Variants in EPB41L2 observed in about 807,000 individuals in gnomAD.
The protein encoded by EPB41L2 is band 4.1-like protein 2.
Under a neutral mutation model 113.0 loss-of-function variants are expected in EPB41L2, and 43 were observed. That is an observed-to-expected ratio of 0.38 (90% confidence interval 0.30 to 0.49). The LOEUF is 0.49. Ranked by LOEUF, EPB41L2 falls within the 20% of genes least tolerant of loss-of-function variation. EPB41L2 has a pLI of 0.95. For synonymous variants in EPB41L2, 442 were observed against 436.7 expected (o/e 1.01, Z -0.15); for missense variants, 1,147 against 1,223.4 (o/e 0.94, Z 0.93).
At chr6:130,918,805 C>T (rs1032086054) in intron 4 of EPB41L2, among the ~76,000 whole-genome samples, 2 of 152,002 alleles carry the variant, frequency 1.3e-5, no homozygotes, top group Admixed American at 6.6e-5. Flanking sequence ...AGATAATATT[C>T]GGCATGGAAA....
chr6:131,058,129 T>G (rs1483953045), intron 1 of EPB41L2, among the ~76,000 whole-genome samples: 3 of 152,158 alleles, frequency 2.0e-5, no homozygotes, highest in African/African-American at 7.2e-5. Context: ...TTCAGAGAGG[T>G]ATCTGTGAAG....
chr6:130,857,873 T>G (rs73775323), intron 19 of EPB41L2, among the ~76,000 whole-genome samples: 3,891 of 152,254 alleles, frequency 0.026, 170 homozygotes, highest in African/African-American at 0.09. Context: ...GTAATGTGCT[T>G]GATAAACAGT....
chr6:130,976,962 A>G (rs776443558), intron 1 of EPB41L2, among the ~76,000 whole-genome samples: 4 of 152,216 alleles, frequency 2.6e-5, no homozygotes, highest in Admixed American at 6.5e-5. Flanking sequence ...TCATTACACC[A>G]TATGTGATAA....
At chr6:130,975,744 C>T (rs1240891901) in intron 1 of EPB41L2, among the ~76,000 whole-genome samples, 2 of 152,160 alleles carry the variant, frequency 1.3e-5, no homozygotes, top group Non-Finnish European at 2.9e-5. Context: ...AAACCTCTGG[C>T]CAGGCGTGGT....
At chr6:131,027,932 TA>T (rs751443593) in intron 1 of EPB41L2, among the ~76,000 whole-genome samples, 4 of 152,212 alleles carry the variant, frequency 2.6e-5, no homozygotes, top group Admixed American at 6.5e-5. Context: ...ATCCAACATA[TA>T]ATATACTTAT....
chr6:131,031,967 C>T (rs1343478620), intron 1 of EPB41L2, among the ~76,000 whole-genome samples: 2 of 152,102 alleles, frequency 1.3e-5, no homozygotes, highest in East Asian at 1.9e-4. Context: ...GGAGAGGAAG[C>T]AAGGCATTTG....
intron 1 of EPB41L2, among the ~76,000 whole-genome samples, chr6:131,053,530 G>A (rs1368753113): frequency 3.3e-5 from 5 of 151,630 alleles, no homozygotes; most frequent in Non-Finnish European, 7.4e-5. Flanking sequence ...CAGCCCCCCT[G>A]AGCTCCACAG....
intron 1 of EPB41L2, among the ~76,000 whole-genome samples, chr6:131,010,330 A>G (rs960163465): frequency 6.6e-6 from 1 of 152,152 alleles, no homozygotes; most frequent in East Asian, 1.9e-4. Flanking sequence ...GAGTGCTGTC[A>G]TTGTACAATC....
intron 1 of EPB41L2, among the ~76,000 whole-genome samples, chr6:131,025,617 G>C (rs1343689351): frequency 6.6e-6 from 1 of 152,164 alleles, no homozygotes; most frequent in Non-Finnish European, 1.5e-5. Flanking sequence ...TTTCACTCCA[G>C]AGTTGCCTCT....
At chr6:130,859,476 A>G (rs1029479309) in intron 18 of EPB41L2, among the ~76,000 whole-genome samples, 1 of 149,156 alleles carries the variant, frequency 6.7e-6, no homozygotes, top group African/African-American at 2.5e-5. Context: ...GCACCACTGC[A>G]CTCCAGCCTG....
intron 19 of EPB41L2, among the ~76,000 whole-genome samples, chr6:130,853,332 T>A (rs993965646): frequency 6.6e-6 from 1 of 152,192 alleles, no homozygotes; most frequent in African/African-American, 2.4e-5. Context: ...CTCCCTCTCC[T>A]GTGGCTCATT....
At chr6:130,980,697 T>C (rs2128674454) in intron 1 of EPB41L2, among the ~76,000 whole-genome samples, 1 of 152,268 alleles carries the variant, frequency 6.6e-6, no homozygotes, top group South Asian at 2.1e-4. Flanking sequence ...TGGAGCTAGG[T>C]AATCAAACTA....
intron 1 of EPB41L2, among the ~76,000 whole-genome samples, chr6:131,010,098 T>C (rs1157115228): frequency 1.3e-5 from 2 of 152,232 alleles, no homozygotes; most frequent in African/African-American, 4.8e-5. Flanking sequence ...TAATTAATGC[T>C]TTCATGTAAT....
At chr6:130,944,487 C>T (rs1812091879) in intron 3 of EPB41L2, among the ~76,000 whole-genome samples, 1 of 152,086 alleles carries the variant, frequency 6.6e-6, no homozygotes, top group African/African-American at 2.4e-5. Flanking sequence ...TCAAACAATA[C>T]AAGAGTTTAG....
chr6:130,915,469 T>C (rs1252143107), intron 4 of EPB41L2, among the ~76,000 whole-genome samples: 2 of 152,160 alleles, frequency 1.3e-5, no homozygotes, highest in Non-Finnish European at 2.9e-5. Flanking sequence ...CTGGTTAATA[T>C]CAGCAGAACC....
At chr6:131,041,056 C>A (rs1297161175) in intron 1 of EPB41L2, among the ~76,000 whole-genome samples, 1 of 152,150 alleles carries the variant, frequency 6.6e-6, no homozygotes, top group South Asian at 2.1e-4. Context: ...TAATTAAATG[C>A]AATCCTTGGC....
At chr6:130,972,659 G>A (rs1031240913) in intron 1 of EPB41L2, among the ~76,000 whole-genome samples, 1 of 151,704 alleles carries the variant, frequency 6.6e-6, no homozygotes, top group Non-Finnish European at 1.5e-5. Flanking sequence ...TTACTCTCCT[G>A]CAAAGCAGTA....
chr6:130,913,846 TAAG>T (rs1263505309), intron 4 of EPB41L2, among the ~76,000 whole-genome samples: 1 of 152,064 alleles, frequency 6.6e-6, no homozygotes, highest in Non-Finnish European at 1.5e-5. Context: ...GTTTGACACT[TAAG>T]GAGGAGGGTT....
intron 3 of EPB41L2, among the ~76,000 whole-genome samples, chr6:130,954,040 C>CTTTATTTTTTTTTTTTTTTT (rs1816373036): frequency 1.7e-5 from 1 of 58,850 alleles, no homozygotes; most frequent in Non-Finnish European, 3.3e-5. Context: ...CCTTTTCTTT[C>CTTTATTTTTTTTTTTTTTTT]TTTTTTTTTT....
Sources: allele counts gnomAD v4.1 joint callset (sites outside exome capture counted in the v4.1 genomes callset), GRCh38; gene constraint gnomAD v4.1.1; transcripts MANE v1.5; gene names NCBI Gene and HGNC (gene_info 2026-07-23, HGNC 2026-07-21).